CYP19A1: variants seen among roughly 807,000 people sequenced by gnomAD.
The protein encoded by CYP19A1 is aromatase.
Under a neutral mutation model 44.4 loss-of-function variants are expected in CYP19A1, and 32 were observed. The ratio of observed to expected loss-of-function variants is 0.72; its 90% confidence interval spans 0.54 to 0.97. CYP19A1 has a LOEUF of 0.97. Among genes scored for constraint, CYP19A1 ranks in the 50% least tolerant of loss-of-function variants. The probability of loss-of-function intolerance (pLI) is 0.00; values close to 1 mark genes in which losing one functional copy is unlikely to be tolerated. For synonymous variants in CYP19A1, 212 were observed against 215.6 expected, an observed-to-expected ratio of 0.98 and a Z score of 0.14; for missense variants, 598 against 637.8, an observed-to-expected ratio of 0.94 and a Z score of 0.67.
At chr15:51,291,507 G>C (rs2035845310) in intron 1 of CYP19A1, among the ~76,000 whole-genome samples, 1 of 152,174 alleles carries the variant, frequency 6.6e-6, no homozygotes, top group Non-Finnish European at 1.5e-5. Flanking sequence ...GAGAAAAAAG[G>C]ACTTCATTTC....
chr15:51,272,370 A>G (rs1374139020), intron 1 of CYP19A1, among the ~76,000 whole-genome samples: 1 of 152,140 alleles, frequency 6.6e-6, no homozygotes, highest in Non-Finnish European at 1.5e-5. Context: ...GTCTTATTTA[A>G]CTTTATAGCA....
At chr15:51,233,532 C>A (rs778797672) in intron 3 of CYP19A1, among the ~76,000 whole-genome samples, 13 of 152,154 alleles carry the variant, frequency 8.5e-5, no homozygotes, top group East Asian at 3.9e-4. Context: ...ATGACTATTA[C>A]AACTTAGAAT....
intron 1 of CYP19A1, among the ~76,000 whole-genome samples, chr15:51,315,665 G>T (rs773733431): frequency 6.6e-6 from 1 of 152,210 alleles, no homozygotes; most frequent in Non-Finnish European, 1.5e-5. Flanking sequence ...TATACATCCA[G>T]GCCCTCAAGG....
intron 1 of CYP19A1, among the ~76,000 whole-genome samples, chr15:51,262,654 G>A (rs1409602223): frequency 3.3e-5 from 5 of 152,128 alleles, no homozygotes; most frequent in Non-Finnish European, 5.9e-5. Context: ...ATTGATATAC[G>A]ATTTCCCCAT....
intron 1 of CYP19A1, among the ~76,000 whole-genome samples, chr15:51,331,112 C>T (rs555998480): frequency 6.6e-6 from 1 of 152,178 alleles, no homozygotes; most frequent in East Asian, 1.9e-4. Context: ...CTAAACCAAT[C>T]GGGTGGTAGG....
chr15:51,222,510 C>T lies in CYP19A1; in HGVS notation c.467G>A (p.Gly156Asp), dbSNP rs142652579. 1.6e-5 allele frequency: 26 copies of T among 1,613,742 alleles called. No individual in the cohort carries two copies. In the African/African-American group the frequency reaches 3.2e-4, roughly 20 times the overall value. ...ACAGACTGTGACCATACGAACAAGG[C>T]CGGGGCCTGACAGAGCTGCAGAGTA... ...PFFMKALSGP[G>D]LVRMVTVCAE... is the part of the protein sequence containing the mutation. The change falls in exon 5 of 10, where the codon GGC becomes GAC. Residue 156 changes from glycine (G) to aspartate (D), a missense_variant. Physicochemically the swap from Gly to Asp is moderately conservative, Grantham distance 94. Coordinates refer to ENST00000396402, the MANE Select transcript of CYP19A1 (RefSeq NM_000103.4).
At chr15:51,241,823 T>A (rs2033786902) in intron 2 of CYP19A1, among the ~76,000 whole-genome samples, 3 of 152,186 alleles carry the variant, frequency 2.0e-5, no homozygotes, top group African/African-American at 7.2e-5. Flanking sequence ...TTATCTGGAA[T>A]GTTAAAAAGA....
chr15:51,294,946 C>T (rs952043898), intron 1 of CYP19A1, among the ~76,000 whole-genome samples: 4 of 150,736 alleles, frequency 2.7e-5, no homozygotes, highest in African/African-American at 9.8e-5. Flanking sequence ...AAGAGGTAGA[C>T]ATGGGAGACT....
intron 1 of CYP19A1, among the ~76,000 whole-genome samples, chr15:51,285,246 C>G (rs2035658293): frequency 6.6e-6 from 1 of 152,150 alleles, no homozygotes; most frequent in Non-Finnish European, 1.5e-5. Context: ...TCCTGAAACC[C>G]CTAGGATTAA....
rs77440990 is a variant in CYP19A1, at chr15:51,271,100, G to A, written c.-38-28150C>T. ...AGAGAACGTCTCCTTGGAACCACGTGGCTCAGTTTGTTTCTGGTTCTCTTC... is the reference window on the plus strand; with the variant it reads ...AGAGAACGTCTCCTTGGAACCACGTAGCTCAGTTTGTTTCTGGTTCTCTTC... On this transcript the variant is annotated intron_variant, in intron 1 of 9. Transcript: ENST00000396402. Among the ~76,000 whole-genome samples, 639 of 152,108 alleles carry A rather than the reference G, an allele frequency of 4.2e-3. 2 individuals carry two copies. Among genetic ancestry groups the A allele is most frequent in the African/African-American group, 0.015 (615 of 41,462 alleles).
At chr15:51,272,325 C>T (rs1041053900) in intron 1 of CYP19A1, among the ~76,000 whole-genome samples, 6 of 152,308 alleles carry the variant, frequency 3.9e-5, no homozygotes, top group Non-Finnish European at 7.3e-5. Context: ...AAATGAGCTT[C>T]ATTAGGCTAT....
chr15:51,323,856 T>TC (rs900013034), intron 1 of CYP19A1: 5 of 152,200 alleles, frequency 3.3e-5, no homozygotes, highest in Admixed American at 6.5e-5. Context: ...TGCGGATTTT[T>TC]CCCCCCAAGA....
chr15:51,302,569 G>T (rs2036136957), intron 1 of CYP19A1, among the ~76,000 whole-genome samples: 1 of 152,176 alleles, frequency 6.6e-6, no homozygotes, highest in African/African-American at 2.4e-5. Context: ...ACTAGAGAAG[G>T]TGGCCAGGGT....
At chr15:51,222,187 A>G in intron 5 of CYP19A1, 162 bp downstream of exon 5, 3 of 1,320,302 alleles carry the variant, frequency 2.3e-6, no homozygotes, top group Non-Finnish European at 3.1e-6. Context: ...TTTATAAGTG[A>G]ACAAAGCAGA....
chr15:51,270,651 G>A (rs28673953), intron 1 of CYP19A1, among the ~76,000 whole-genome samples: 1 of 152,178 alleles, frequency 6.6e-6, no homozygotes, highest in East Asian at 1.9e-4. Context: ...AGTAGAAGTA[G>A]CTCCATTTTA....
chr15:51,213,481 T>C (rs2141037309), intron 8 of CYP19A1, among the ~76,000 whole-genome samples: 1 of 152,242 alleles, frequency 6.6e-6, no homozygotes, highest in South Asian at 2.1e-4. Flanking sequence ...CCCTTCCTCT[T>C]ACATACTGCC....
rs561191872 is a variant in CYP19A1 at position 51,262,851 on chromosome 15, C to T, written c.-38-19901G>A. ...GGAATTGACATTGAAGCTGACTCAA[C>T]GGATTATGGAAGTGGTGAATAAAAA... On this transcript the variant is annotated intron_variant, in intron 1 of 9. Transcript: ENST00000396402. 6.5e-4 allele frequency among the ~76,000 whole-genome samples: 99 copies of T among 152,142 alleles called. 1 individual carries two copies. Among genetic ancestry groups the T allele is most frequent in the African/African-American group, 2.3e-3 (95 of 41,484 alleles).
chr15:51,215,999 T>C, intron 6 of CYP19A1, 182 bp from the exon 7 acceptor site: 1 of 1,235,546 alleles, frequency 8.1e-7, no homozygotes, highest in Non-Finnish European at 1.1e-6. Context: ...ACCCTACACT[T>C]CATGTTAAGG....
At chr15:51,316,679 G>A (rs1172063928) in intron 1 of CYP19A1, among the ~76,000 whole-genome samples, 1 of 150,864 alleles carries the variant, frequency 6.6e-6, no homozygotes, top group African/African-American at 2.4e-5. Flanking sequence ...AGGAGTTGGA[G>A]AGCAGCCTGG....
Sources: gnomAD v4.1 joint callset for allele counts (sites outside exome capture counted in the v4.1 genomes callset) on GRCh38, gnomAD v4.1.1 for gene constraint, MANE v1.5 for transcripts, NCBI Gene and HGNC (gene_info 2026-07-23, HGNC 2026-07-21) for gene names.